RBBP8: variants seen among roughly 807,000 people sequenced by gnomAD.
RBBP8 encodes the protein RB binding protein 8, endonuclease.
In RBBP8, 88 loss-of-function variants were observed where a neutral mutation model predicts 108.3. That is an observed-to-expected ratio of 0.81 (90% CI 0.68 to 0.97). The LOEUF (loss-of-function observed/expected upper bound fraction) is 0.97, where lower values mean the gene tolerates loss of function less well. RBBP8 is among the 50% of genes least tolerant of loss of function. The pLI, the probability that RBBP8 is intolerant of heterozygous loss-of-function variation, is 0.00. For missense variants in RBBP8, 1,023 were observed against 1,049.0 expected, an observed-to-expected ratio of 0.98 and a Z score of 0.34; for synonymous variants, 332 against 348.2, an observed-to-expected ratio of 0.95 and a Z score of 0.52.
chr18:23,001,619 A>G lies in RBBP8; in HGVS notation c.2177A>G (p.Asp726Gly), dbSNP rs1189996391. ...EERKMNDSLE[D>G]MFDRTTHEEY... ...AGAAAAATGAATGATAGCTTGGAAGATATGTTTGATCGGACAACACATGAA... is the reference window on the plus strand; with the variant it reads ...AGAAAAATGAATGATAGCTTGGAAGGTATGTTTGATCGGACAACACATGAA... Residue 726 changes from aspartate (D) to glycine (G), a missense_variant, in exon 15 of 19, where the codon GAT (aspartate) becomes GGT (glycine). Physicochemically the swap from Asp to Gly is moderately conservative, Grantham distance 94 (BLOSUM62 -1). Transcript: ENST00000327155. 10 of 1,613,994 alleles carry G rather than the reference A, an allele frequency of 6.2e-6. No homozygotes were observed. In the South Asian group the frequency reaches 8.8e-5, roughly 14 times the overall value.
chr18:22,939,675 A>G (rs1426795182), intron 2 of RBBP8, among the ~76,000 whole-genome samples: 1 of 152,248 alleles, frequency 6.6e-6, no homozygotes, highest in African/African-American at 2.4e-5. Flanking sequence ...GAAATGTTCA[A>G]GAAATGTTTT....
At chr18:22,984,664 C>T (rs1340909655) in intron 7 of RBBP8, among the ~76,000 whole-genome samples, 1 of 152,082 alleles carries the variant, frequency 6.6e-6, no homozygotes, top group African/African-American at 2.4e-5. Context: ...TGTTCTAGTC[C>T]CCTCTCTCCC....
intron 2 of RBBP8, among the ~76,000 whole-genome samples, chr18:22,938,944 G>T (rs563528596): frequency 6.6e-6 from 1 of 152,302 alleles, no homozygotes; most frequent in Admixed American, 6.5e-5. Context: ...TTAAGCAATT[G>T]TGGTTGAGAT....
chr18:22,953,183 G>A (rs1313650406), intron 4 of RBBP8, among the ~76,000 whole-genome samples: 2 of 152,198 alleles, frequency 1.3e-5, no homozygotes, highest in African/African-American at 4.8e-5. Context: ...AAAGCTAACA[G>A]GGAGTCCTGG....
chr18:22,942,114 G>A (rs1240395075), intron 2 of RBBP8, among the ~76,000 whole-genome samples: 2 of 152,008 alleles, frequency 1.3e-5, no homozygotes, highest in Non-Finnish European at 2.9e-5. Flanking sequence ...GTAAGAAGCT[G>A]TTTGAAAGAC....
At chr18:22,932,966 G>A (rs1910131177), upstream of RBBP8, among the ~76,000 whole-genome samples, 1 of 152,168 alleles carries the variant, frequency 6.6e-6, no homozygotes, top group Non-Finnish European at 1.5e-5. Flanking sequence ...TATGTTAGAC[G>A]GATCCGCGTC....
At chr18:22,931,502 A>C (rs921454607), upstream of RBBP8, among the ~76,000 whole-genome samples, 31 of 152,326 alleles carry the variant, frequency 2.0e-4, no homozygotes, top group African/African-American at 7.5e-4. Context: ...AAGGTGGAGG[A>C]GGGAAGATGT....
At chr18:23,002,411 A>T (rs184133993) in intron 15 of RBBP8, among the ~76,000 whole-genome samples, 2 of 152,326 alleles carry the variant, frequency 1.3e-5, no homozygotes, top group African/African-American at 2.4e-5. Context: ...TCTCAAAAAA[A>T]TAATAATTAA....
chr18:22,930,665 G>A (rs975480352), upstream of RBBP8, among the ~76,000 whole-genome samples: 2 of 152,104 alleles, frequency 1.3e-5, no homozygotes, highest in African/African-American at 2.4e-5. Context: ...CATAGAAATG[G>A]GATCCACCAG....
Position 22,982,302 on chromosome 18 carries a change from T to G in RBBP8, c.513T>G (p.Ser171=), listed in dbSNP as rs755520899. Residue 171 remains serine, a synonymous_variant, in exon 7 of 19, where the codon TCT becomes TCG. Coordinates refer to ENST00000327155, the MANE Select transcript of RBBP8 (RefSeq NM_002894.3). The part of the protein sequence containing the change: ...PDSPITAFSF[S]GVNRLRRKEN... The stretch of plus-strand genomic sequence containing the variant: ...CACCGATAACAGCCTTCTCATTTTC[T>G]GGCGTTAACCGGCTACGAAGAAAGG... The G allele has an allele frequency of 1.9e-6, 3 of 1,614,214 alleles. No homozygotes were observed. Among genetic ancestry groups the G allele is most frequent in the Non-Finnish European group, 2.5e-6 (3 of 1,180,020 alleles).
At chr18:22,962,951 C>G (rs1913236021) in intron 4 of RBBP8, among the ~76,000 whole-genome samples, 1 of 151,792 alleles carries the variant, frequency 6.6e-6, no homozygotes, top group Non-Finnish European at 1.5e-5. Context: ...TTTACTTTCC[C>G]TTTTTTTTGT....
intron 17 of RBBP8, among the ~76,000 whole-genome samples, chr18:23,017,293 T>C (rs1378104112): frequency 6.7e-6 from 1 of 149,840 alleles, no homozygotes; most frequent in Admixed American, 6.7e-5. Flanking sequence ...AGGTGGAGGT[T>C]GCAGTGAGCC....
intron 4 of RBBP8, among the ~76,000 whole-genome samples, chr18:22,963,294 A>G (rs1313568849): frequency 6.6e-6 from 1 of 152,092 alleles, no homozygotes; most frequent in Non-Finnish European, 1.5e-5. Flanking sequence ...GTAGTGTATA[A>G]TAATTTTGGT....
chr18:22,945,770 T>C (rs1210591052), intron 2 of RBBP8, among the ~76,000 whole-genome samples: 1 of 152,248 alleles, frequency 6.6e-6, no homozygotes, highest in African/African-American at 2.4e-5. Context: ...ATTTAGTTGC[T>C]GATGATGTAT....
At chr18:22,927,150 C>G (rs948162925) in intron 3 of RBBP8, among the ~76,000 whole-genome samples, 6 of 152,182 alleles carry the variant, frequency 3.9e-5, no homozygotes, top group Non-Finnish European at 7.3e-5. Flanking sequence ...TCTCAAACAG[C>G]CTTTGTTGTG....
chr18:22,968,076 A>T (rs1232492881), intron 4 of RBBP8, among the ~76,000 whole-genome samples: 90 of 140,058 alleles, frequency 6.4e-4, no homozygotes, highest in East Asian at 8.6e-4. Context: ...ACAAAAAAAA[A>T]TTTTTTTTTT....
At chr18:22,984,789 A>G (rs568131658) in intron 7 of RBBP8, 97 bp from the exon 8 acceptor site, 30 of 677,504 alleles carry the variant, frequency 4.4e-5, no homozygotes, top group Admixed American at 2.8e-4. Flanking sequence ...TACAGATAAT[A>G]CATAAAAATT....
intron 3 of RBBP8, among the ~76,000 whole-genome samples, chr18:22,927,206 T>G (rs1293347301): frequency 6.6e-6 from 1 of 152,236 alleles, no homozygotes; most frequent in African/African-American, 2.4e-5. Flanking sequence ...CACCCCAGTT[T>G]ACCAGTATTG....
At chr18:23,018,411 C>T (rs547376541) in intron 17 of RBBP8, among the ~76,000 whole-genome samples, 1 of 152,050 alleles carries the variant, frequency 6.6e-6, no homozygotes, top group South Asian at 2.1e-4. Flanking sequence ...TATATTTTTC[C>T]TTTTATACAT....
Sources: allele counts gnomAD v4.1 joint callset (sites outside exome capture counted in the v4.1 genomes callset), GRCh38; gene constraint gnomAD v4.1.1; transcripts MANE v1.5; gene names NCBI Gene and HGNC (gene_info 2026-07-23, HGNC 2026-07-21).